The following CFAP45 variants were observed in gnomAD, a reference collection of about 807,000 sequenced individuals.
CFAP45 encodes the protein cilia- and flagella-associated protein 45.
A neutral mutation model predicts 75.6 loss-of-function variants in CFAP45; 43 were observed. The observed-to-expected ratio is 0.57, with a 90% confidence interval of 0.45 to 0.73. CFAP45 has a LOEUF of 0.73. Among genes scored for constraint, CFAP45 ranks in the 30% least tolerant of loss-of-function variants. The pLI is 0.00. For missense variants in CFAP45, 689 were observed against 701.5 expected, an observed-to-expected ratio of 0.98 and a Z score of 0.20; for synonymous variants, 223 against 244.6, an observed-to-expected ratio of 0.91 and a Z score of 0.82.
intron 1 of CFAP45, among the ~76,000 whole-genome samples, chr1:159,894,638 T>G (rs1280734148): frequency 6.6e-6 from 1 of 152,214 alleles, no homozygotes; most frequent in Non-Finnish European, 1.5e-5. Context: ...AGTCATTTTT[T>G]AACCCCCTAC....
chr1:159,887,711 G>A, intron 5 of CFAP45, 130 bp downstream of exon 5: 3 of 911,768 alleles, frequency 3.3e-6, no homozygotes, highest in Non-Finnish European at 5.0e-6. Flanking sequence ...ACCACAGCAG[G>A]TGCAGCTCTC....
At chr1:159,882,013 C>T (rs1458967615) in intron 7 of CFAP45, among the ~76,000 whole-genome samples, 1 of 152,238 alleles carries the variant, frequency 6.6e-6, no homozygotes, top group African/African-American at 2.4e-5. Flanking sequence ...GGTAACTCTC[C>T]CTGTGTGTCT....
rs16842792 is a variant in CFAP45, at chr1:159,888,239, T to G, written c.417+113A>C. ...TTTGGTCTCCTTTCTGTAATATTTC[T>G]TCATTAAGTACATAATTTGTGCCTC... is the stretch of plus-strand genomic sequence containing the variant. On this transcript the variant is annotated intron_variant, in intron 4 of 11. Coordinates refer to ENST00000368099, the MANE Select transcript of CFAP45 (RefSeq NM_012337.3). 1.2e-3 allele frequency: 1,415 copies of G among 1,204,878 alleles called. 13 individuals are homozygous for G. The African/African-American group carries it at 0.017, about 15-fold the overall frequency. 74.6% of individuals were successfully genotyped at this position (1,204,878 alleles called of 1,614,324 possible).
rs969138087 is a variant in CFAP45, at chr1:159,893,373, A to G, written c.4-68T>C. 77 of 1,508,612 alleles carry G rather than the reference A, an allele frequency of 5.1e-5. 1 individual carries two copies. Among genetic ancestry groups the G allele is most frequent in the Non-Finnish European group, 3.3e-5 (36 of 1,089,198 alleles). The allele number at this position is 1,508,612 out of a possible 1,614,324, so 93.5% of individuals were successfully genotyped here. On this transcript the variant is annotated intron_variant, in intron 1 of 11. Transcript: ENST00000368099. ...GCATCCAGACCCTGGGAAGTCAACAATTCACCAGCCCATGCTGGGGGAGTG... is the reference window on the plus strand; with the variant it reads ...GCATCCAGACCCTGGGAAGTCAACAGTTCACCAGCCCATGCTGGGGGAGTG...
intron 9 of CFAP45, among the ~76,000 whole-genome samples, chr1:159,877,081 A>G (rs1259458636): frequency 6.6e-6 from 1 of 152,182 alleles, no homozygotes; most frequent in Admixed American, 6.5e-5. Context: ...CTGGTGACAC[A>G]TTTCATTGGT....
Position 159,876,604 on chromosome 1 carries a change from A to G in CFAP45, c.1304T>C (p.Leu435Pro). ...LEQVAFKEHA[L>P]AVQVQRDRDE... is the part of the protein sequence containing the mutation. Reference sequence around the variant, plus strand: ...CCGGTCCCGTTGCACCTGAACAGCCAGAGCGTGCTCCTTGAAAGCCACCTG... The same window carrying G: ...CCGGTCCCGTTGCACCTGAACAGCCGGAGCGTGCTCCTTGAAAGCCACCTG... The change falls in exon 10 of 12, where the codon CTG becomes CCG. Residue 435 changes from leucine (L) to proline (P), a missense_variant. Physicochemically the swap from Leu to Pro is moderately conservative, Grantham distance 98 (BLOSUM62 -3). Coordinates refer to ENST00000368099, the MANE Select transcript of CFAP45 (RefSeq NM_012337.3). The G allele has an allele frequency of 1.2e-6, 2 of 1,614,226 alleles. No individual in the cohort carries two copies. The highest frequency in any genetic ancestry group is 2.2e-5 in the East Asian group (1 of 44,882).
chr1:159,900,142 C>T lies in CFAP45; in HGVS notation c.-44G>A, dbSNP rs765791499. 2.5e-6 allele frequency: 4 copies of T among 1,613,876 alleles called. No individual in the cohort carries two copies. The highest frequency in any genetic ancestry group is 3.4e-6 in the Non-Finnish European group (4 of 1,179,802). On this transcript the variant is annotated 5_prime_UTR_variant, in exon 1 of 12. Coordinates refer to ENST00000368099, the MANE Select transcript of CFAP45 (RefSeq NM_012337.3). Reference sequence around the variant, plus strand: ...TGACTCCGGACTTCTGCTGCCGCCTCGGCGCCGCCAAGGCCCTAGTGTTGA... The same window carrying T: ...TGACTCCGGACTTCTGCTGCCGCCTTGGCGCCGCCAAGGCCCTAGTGTTGA...
intron 1 of CFAP45, among the ~76,000 whole-genome samples, chr1:159,897,620 T>C (rs970397145): frequency 1.3e-5 from 2 of 152,200 alleles, no homozygotes; most frequent in Admixed American, 6.5e-5. Context: ...CTTGTAAAGA[T>C]GTTTGTATGG....
chr1:159,897,405 G>A (rs1279258754), intron 1 of CFAP45, among the ~76,000 whole-genome samples: 1 of 152,002 alleles, frequency 6.6e-6, no homozygotes, highest in Non-Finnish European at 1.5e-5. Flanking sequence ...CCAACATGGT[G>A]AAACTCGTCT....
At chr1:159,872,692 C>T in intron 11 of CFAP45, 129 bp from the exon 12 acceptor site, 1 of 854,610 alleles carries the variant, frequency 1.2e-6, no homozygotes, top group Non-Finnish European at 1.9e-6. Flanking sequence ...TCACAATCCA[C>T]CCCCGAAACA....
At chr1:159,884,968 C>T (rs933661604) in intron 6 of CFAP45, among the ~76,000 whole-genome samples, 1 of 152,120 alleles carries the variant, frequency 6.6e-6, no homozygotes, top group Non-Finnish European at 1.5e-5. Context: ...AACAAACAAA[C>T]AAACCCAGGG....
chr1:159,888,646 G>A (rs1464773471), intron 3 of CFAP45, 150 bp from the exon 4 acceptor site: 17 of 674,240 alleles, frequency 2.5e-5, no homozygotes, highest in Non-Finnish European at 3.7e-5. Flanking sequence ...GGGTCCACTG[G>A]GGAGTAGATG....
chr1:159,888,120 A>G, intron 4 of CFAP45, 109 bp from the exon 5 acceptor site: 1 of 1,298,970 alleles, frequency 7.7e-7, no homozygotes, highest in Non-Finnish European at 1.1e-6. Flanking sequence ...TTGGCCAGTG[A>G]TGATGTCAGA....
intron 10 of CFAP45, among the ~76,000 whole-genome samples, chr1:159,874,567 T>G (rs1183324192): frequency 6.6e-6 from 1 of 152,204 alleles, no homozygotes; most frequent in Non-Finnish European, 1.5e-5. Context: ...TAGAACAGTT[T>G]TCTATTGTTT....
chr1:159,881,725 C>A (rs533895715), intron 7 of CFAP45, among the ~76,000 whole-genome samples: 1 of 152,242 alleles, frequency 6.6e-6, no homozygotes, highest in South Asian at 2.1e-4. Flanking sequence ...AGGAAGGATC[C>A]CCCTGCCTTT....
intron 2 of CFAP45, 102 bp downstream of exon 2, chr1:159,893,077 AC>A (rs1649864651): frequency 7.5e-7 from 1 of 1,326,672 alleles, no homozygotes; most frequent in Admixed American, 1.8e-5. Context: ...TCTGAGAGTT[AC>A]CTACGAGAGC....
At position 159,897,136 on chromosome 1, in the gene CFAP45, C is replaced by T. The variant is rs139609131; in HGVS notation, c.3+2960G>A. 6.7e-3 allele frequency among the ~76,000 whole-genome samples: 1,026 copies of T among 152,156 alleles called. 17 individuals carry two copies. Among genetic ancestry groups the T allele is most frequent in the African/African-American group, 0.024 (982 of 41,500 alleles). ...AAAATTAGCCAGGCACGGTGGCGTA[C>T]ACCTATAGTCCCAGCTACTTGGGAG... On this transcript the variant is annotated intron_variant, in intron 1 of 11. Coordinates refer to ENST00000368099, the MANE Select transcript of CFAP45 (RefSeq NM_012337.3).
At chr1:159,891,235 T>C (rs1028367045) in intron 2 of CFAP45, among the ~76,000 whole-genome samples, 1 of 152,218 alleles carries the variant, frequency 6.6e-6, no homozygotes, top group Admixed American at 6.5e-5. Flanking sequence ...AGATTTTCCT[T>C]TATGAAAGAA....
intron 10 of CFAP45, 172 bp downstream of exon 10, chr1:159,876,384 G>C: frequency 1.6e-6 from 1 of 611,720 alleles, no homozygotes; most frequent in Non-Finnish European, 2.9e-6. Flanking sequence ...ATAATTCTTG[G>C]CTCAAGTGAT....
Sources: gnomAD v4.1 joint callset for allele counts (sites outside exome capture counted in the v4.1 genomes callset) on GRCh38, gnomAD v4.1.1 for gene constraint, MANE v1.5 for transcripts, NCBI Gene and HGNC (gene_info 2026-07-23, HGNC 2026-07-21) for gene names.